The following HHIPL2 variants were observed in gnomAD, a reference collection of about 807,000 sequenced individuals.
HHIPL2 encodes HHIP-like protein 2.
HHIPL2 carries 61 observed loss-of-function variants against 61.0 expected under a neutral mutation model. That is an observed-to-expected ratio of 1.00 (90% CI 0.81 to 1.24). HHIPL2 has a LOEUF of 1.24. HHIPL2 is among the 50% of genes most tolerant of loss of function. HHIPL2 has a pLI of 0.00. For missense variants in HHIPL2, 885 were observed against 910.2 expected, an observed-to-expected ratio of 0.97 and a Z score of 0.36; for synonymous variants, 343 against 357.4, an observed-to-expected ratio of 0.96 and a Z score of 0.45.
At position 222,540,098 on chromosome 1, in the gene HHIPL2, G is replaced by A; in HGVS notation, c.1362C>T (p.Asp454=). The part of the protein sequence containing the change: ...DVGQNRFEEV[D]LILKGGNYGW... ...CATAGTTTCCACCTTTCAAAATGAG[G>A]TCAACCTCTTCAAACCTGTTCTGGC... The change falls in exon 4 of 9, where the codon GAC becomes GAT. Residue 454 remains aspartate, a synonymous_variant. Transcript: ENST00000343410. The A allele has an allele frequency of 6.2e-7, 1 of 1,614,234 alleles. No individual in the cohort carries two copies. The highest frequency in any genetic ancestry group is 8.5e-7 in the Non-Finnish European group (1 of 1,180,056).
chr1:222,523,831 G>A, intron 7 of HHIPL2, 137 bp from the exon 8 acceptor site: 1 of 742,806 alleles, frequency 1.3e-6, no homozygotes, highest in Non-Finnish European at 2.3e-6. Context: ...AGATGTAACA[G>A]GAAATATGCT....
At position 222,543,718 on chromosome 1, in the gene HHIPL2, T is replaced by C. The variant is rs771515878; in HGVS notation, c.793A>G (p.Thr265Ala). The C allele has an allele frequency of 8.7e-6, 14 of 1,613,782 alleles. No individual in the cohort carries two copies. The highest frequency in any genetic ancestry group is 3.3e-5 in the Admixed American group (2 of 59,976). ...CCTCTCTCATCCCCGATCCATGGGG[T>C]GGTCAACACGATGTTCTTGAGGTCC... Reference protein sequence around the residue: ...FLDLKNIVLTTPWIGDERGFL... With the variant: ...FLDLKNIVLTAPWIGDERGFL... The change falls in exon 2 of 9, where the codon ACC becomes GCC. Residue 265 changes from threonine to alanine, a missense_variant. By Grantham distance (58) the Thr-to-Ala change is moderately conservative. Coordinates refer to ENST00000343410, the MANE Select transcript of HHIPL2 (RefSeq NM_024746.4).
Position 222,522,468 on chromosome 1 carries a change from G to A in HHIPL2, c.*133C>T. The A allele has an allele frequency of 1.2e-6, 1 of 838,904 alleles. No homozygotes were observed. The highest frequency in any genetic ancestry group is 1.9e-6 in the Non-Finnish European group (1 of 529,890). The allele number at this position is 838,904 out of a possible 1,614,324, so 52.0% of individuals were successfully genotyped here. On this transcript the variant is annotated 3_prime_UTR_variant, in exon 9 of 9. Transcript: ENST00000343410. ...TCAGTAGACAGCAAGATTTCCCAGG[G>A]AGAGGAAAACCGCCCTGCCCCACCT...
intron 5 of HHIPL2, among the ~76,000 whole-genome samples, chr1:222,533,107 G>C (rs1659226565): frequency 3.9e-5 from 6 of 152,180 alleles, no homozygotes; most frequent in Admixed American, 2.6e-4. Flanking sequence ...GCTTATGCCT[G>C]TAATCCCAAC....
intron 5 of HHIPL2, 141 bp from the exon 6 acceptor site, chr1:222,532,252 C>T (rs1659208936): frequency 3.1e-6 from 2 of 645,666 alleles, no homozygotes; most frequent in Non-Finnish European, 4.9e-6. Flanking sequence ...CTCCAAGCAA[C>T]CAAAAAGCTT....
At position 222,532,064 on chromosome 1, in the gene HHIPL2, T is replaced by G. The variant is rs764832305; in HGVS notation, c.1625A>C (p.Lys542Thr). 5.0e-6 allele frequency: 8 copies of G among 1,613,930 alleles called. No homozygotes were observed. The Admixed American group carries it at 1.3e-4, about 27-fold the overall frequency. ...GGTGCTGCCCAGGCAAAGATCCTGCTTCTTCCATTTCTTGTTTTTTCTATC... is the reference window on the plus strand; with the variant it reads ...GGTGCTGCCCAGGCAAAGATCCTGCGTCTTCCATTTCTTGTTTTTTCTATC... ...QEDRKNKKWKKQDLCLGSTTS... is the reference protein window; with the variant it reads ...QEDRKNKKWKTQDLCLGSTTS... The change falls in exon 6 of 9, where the codon AAG (lysine) becomes ACG (threonine). Residue 542 changes from lysine to threonine, a missense_variant. By Grantham distance (78) the Lys-to-Thr change is moderately conservative. Coordinates refer to ENST00000343410, the MANE Select transcript of HHIPL2 (RefSeq NM_024746.4).
intron 1 of HHIPL2, 146 bp downstream of exon 1, chr1:222,547,578 T>A: frequency 1.5e-6 from 1 of 653,900 alleles, no homozygotes; most frequent in East Asian, 2.7e-5. Flanking sequence ...CATGTCAGTG[T>A]GCGTGTCCAA....
At chr1:222,533,734 A>G (rs998313402) in intron 5 of HHIPL2, among the ~76,000 whole-genome samples, 3 of 152,210 alleles carry the variant, frequency 2.0e-5, no homozygotes, top group Admixed American at 6.5e-5. Context: ...GGTGAACCCT[A>G]TGATTTTTCC....
In HHIPL2 at chr1:222,527,143, T is replaced by C. The variant is rs145001555; in HGVS notation, c.1724-93A>G. The C allele has an allele frequency of 2.7e-5, 27 of 982,840 alleles. No homozygotes were observed. In the African/African-American group the frequency reaches 3.2e-4, roughly 12 times the overall value. 60.9% of individuals were successfully genotyped at this position (982,840 alleles called of 1,614,324 possible). A position where few individuals can be genotyped will look rare whatever the true frequency, so the allele number is the denominator to read the frequency against. ...ACAGAAAATGGTCAAAAAGAGGTTA[T>C]GGCCCTAAAATGCAGTGAGCGCCAA... On this transcript the variant is annotated intron_variant, in intron 6 of 8. Transcript: ENST00000343410.
At chr1:222,539,871 G>A (rs1659391033) in intron 4 of HHIPL2, 139 bp downstream of exon 4, 4 of 692,888 alleles carry the variant, frequency 5.8e-6, no homozygotes, top group Non-Finnish European at 9.6e-6. Flanking sequence ...GGACCGGTTG[G>A]AGAAGCACTA....
intron 6 of HHIPL2, among the ~76,000 whole-genome samples, chr1:222,529,246 C>G (rs1364708533): frequency 6.6e-6 from 1 of 152,176 alleles, no homozygotes; most frequent in Non-Finnish European, 1.5e-5. Context: ...GATTTGTGTA[C>G]TGACAAACTA....
intron 5 of HHIPL2, among the ~76,000 whole-genome samples, chr1:222,536,426 C>T (rs943304451): frequency 2.6e-5 from 4 of 152,126 alleles, no homozygotes; most frequent in African/African-American, 9.7e-5. Context: ...AAGGCACAGA[C>T]TACCAAAGCT....
At chr1:222,539,966 C>T in intron 4 of HHIPL2, 44 bp downstream of exon 4, 6 of 1,525,740 alleles carry the variant, frequency 3.9e-6, no homozygotes, top group Non-Finnish European at 5.4e-6. Context: ...ACCTCCAGCC[C>T]ACTCAACTCA....
chr1:222,528,372 T>C (rs982479097), intron 6 of HHIPL2, among the ~76,000 whole-genome samples: 6 of 152,226 alleles, frequency 3.9e-5, no homozygotes, highest in Admixed American at 6.5e-5. Flanking sequence ...TTTGGGAGGC[T>C]GAGGCAGGTG....
In HHIPL2 at chr1:222,523,934, C is replaced by T. The variant is rs1571761846; in HGVS notation, c.1806-240G>A. 1.0e-4 allele frequency: 52 copies of T among 511,556 alleles called. No homozygotes were observed. The East Asian group carries it at 1.6e-3, about 16-fold the overall frequency. 31.7% of individuals were successfully genotyped at this position (511,556 alleles called of 1,614,324 possible). ...GCAGAGAAGGAGTTAGGAGTATGGG[C>T]ATGGTGGCAGTCAAAACGGGTTCAC... On this transcript the variant is annotated intron_variant, in intron 7 of 8. Transcript: ENST00000343410.
In HHIPL2 at chr1:222,544,026, C is replaced by G. The variant is rs1659500945; in HGVS notation, c.485G>C (p.Gly162Ala). 1.2e-6 allele frequency: 2 copies of G among 1,614,028 alleles called. No individual in the cohort carries two copies. Among genetic ancestry groups the G allele is most frequent in the Non-Finnish European group, 8.5e-7 (1 of 1,180,042 alleles). ...TNDRGLQESH[G>A]RDGTRFCHLL... The stretch of plus-strand genomic sequence containing the variant: ...GTGGCAGAAGCGGGTACCGTCCCTT[C>G]CATGAGACTCCTGGAGGCCGCGGTC... Residue 162 changes from glycine to alanine, a missense_variant, in exon 2 of 9, where the codon GGA becomes GCA. Physicochemically the swap from Gly to Ala is moderately conservative, Grantham distance 60. Coordinates refer to ENST00000343410, the MANE Select transcript of HHIPL2 (RefSeq NM_024746.4).
rs116671761 is a variant in HHIPL2 at position 222,531,696 on chromosome 1, C to T, written c.1723+270G>A. ...TCTGGAAGCGGAGGTTGCAGTAAGC[C>T]GAGATGGCGCCGCAGACAGAGAGCA... On this transcript the variant is annotated intron_variant, in intron 6 of 8. Transcript: ENST00000343410. 5.0e-3 allele frequency among the ~76,000 whole-genome samples: 757 copies of T among 151,514 alleles called. 2 individuals are homozygous for T. The highest frequency in any genetic ancestry group is 0.018 in the African/African-American group (727 of 41,208).
rs1558124822 is a variant in HHIPL2 at position 222,522,846 on chromosome 1, C to A, written c.1930G>T (p.Ala644Ser). Reference sequence around the variant, plus strand: ...AAGGTTGCACTGGAAGATTTTCTAGCAGCTTTCTCTGATTGTTCCTTTAGC... The same window carrying A: ...AAGGTTGCACTGGAAGATTTTCTAGAAGCTTTCTCTGATTGTTCCTTTAGC... The part of the protein sequence containing the change: ...DLLKEQSEKA[A>S]RKSSSATLAS... The change falls in exon 9 of 9, where the codon GCT becomes TCT. Residue 644 changes from alanine (A) to serine (S), a missense_variant. Transcript: ENST00000343410. 1 of 1,614,188 alleles carries A rather than the reference C, an allele frequency of 6.2e-7. No homozygotes were observed. The highest frequency in any genetic ancestry group is 1.7e-5 in the Admixed American group (1 of 60,030).
chr1:222,547,745 G>A lies in HHIPL2; in HGVS notation c.300C>T (p.Tyr100=), dbSNP rs749245100. 3 of 1,613,448 alleles carry A rather than the reference G, an allele frequency of 1.9e-6. No homozygotes were observed. The South Asian group carries it at 3.3e-5, about 18-fold the overall frequency. ...DLKRHELCGD[Y]IKDILCQECS... is the part of the protein sequence containing the mutation. ...CTACCTGGCAAAGGATGTCTTTAATGTAATCTCCACACAGCTCATGTCTCT... is the reference window on the plus strand; with the variant it reads ...CTACCTGGCAAAGGATGTCTTTAATATAATCTCCACACAGCTCATGTCTCT... The change falls in exon 1 of 9, where the codon TAC becomes TAT. Residue 100 remains tyrosine (Y), a synonymous_variant. Transcript: ENST00000343410.
Sources: allele counts gnomAD v4.1 joint callset (sites outside exome capture counted in the v4.1 genomes callset), GRCh38; gene constraint gnomAD v4.1.1; transcripts MANE v1.5; gene names NCBI Gene and HGNC (gene_info 2026-07-23, HGNC 2026-07-21).